Variants in TOMM20L observed in about 807,000 individuals in gnomAD.
TOMM20L encodes TOMM20-like protein 1.
TOMM20L carries 19 observed loss-of-function variants against 20.4 expected under a neutral mutation model. The ratio of observed to expected loss-of-function variants is 0.93; its 90% CI spans 0.65 to 1.36. The LOEUF (loss-of-function observed/expected upper bound fraction) is 1.36, where lower values mean the gene tolerates loss of function less well. Ranked by LOEUF, TOMM20L falls within the 40% of genes most tolerant of loss-of-function variation. The probability of loss-of-function intolerance (pLI) is 0.00; values close to 1 mark genes in which losing one functional copy is unlikely to be tolerated. For missense variants in TOMM20L, 218 were observed against 203.7 expected, an observed-to-expected ratio of 1.07 and a Z score of -0.43; for synonymous variants, 75 against 79.6, an observed-to-expected ratio of 0.94 and a Z score of 0.30.
Position 58,396,306 on chromosome 14 carries a change from G to A in TOMM20L, c.145G>A (p.Ala49Thr). 1.2e-6 allele frequency: 2 copies of A among 1,613,320 alleles called. No individual in the cohort carries two copies. Among genetic ancestry groups the A allele is most frequent in the South Asian group, 2.2e-5 (2 of 91,034 alleles). ...CCGTGTTGTGTTCGCAGAAAGAAGA[G>A]CAGAGCCTCAAAAGGCTGAGGAGCA... ...FKRRLRDKRRAEPQKAEEQGT... is the reference protein window; with the variant it reads ...FKRRLRDKRRTEPQKAEEQGT... The change falls in exon 2 of 5, where the codon GCA becomes ACA. Residue 49 changes from alanine (A) to threonine (T), a missense_variant. Physicochemically the swap from Ala to Thr is moderately conservative, Grantham distance 58. Transcript: ENST00000360945.
Position 58,403,566 on chromosome 14 carries a change from C to T in TOMM20L, c.262+805C>T, listed in dbSNP as rs371454995. ...ATAATTTATTCCTACCGGCAGGGCACGGTGGCTAACGCCTGTAATCCCAGC... is the reference window on the plus strand; with the variant it reads ...ATAATTTATTCCTACCGGCAGGGCATGGTGGCTAACGCCTGTAATCCCAGC... On this transcript the variant is annotated intron_variant, in intron 3 of 4. Transcript: ENST00000360945. 3.9e-5 allele frequency among the ~76,000 whole-genome samples: 6 copies of T among 152,114 alleles called. 1 individual carries two copies. The highest frequency in any genetic ancestry group is 2.1e-4 in the South Asian group (1 of 4,822).
chr14:58,408,947 T>C, downstream of TOMM20L: 1 of 1,532,506 alleles, frequency 6.5e-7, no homozygotes, highest in South Asian at 1.3e-5. Flanking sequence ...GGCTACTGCT[T>C]TCAGGGGATT....
At chr14:58,396,388 G>C (rs1224259476) in intron 2 of TOMM20L, 47 bp downstream of exon 2, 1 of 1,606,808 alleles carries the variant, frequency 6.2e-7, no homozygotes, top group African/African-American at 1.3e-5. Flanking sequence ...ACGCAGGTCC[G>C]GGCTCGCTGG....
At chr14:58,404,045 T>C (rs1356918449) in intron 3 of TOMM20L, among the ~76,000 whole-genome samples, 1 of 130,270 alleles carries the variant, frequency 7.7e-6, no homozygotes, top group Non-Finnish European at 1.6e-5. Flanking sequence ...TAACTGATAT[T>C]GCTGGATAAA....
chr14:58,416,188 A>G, the TOMM20L span, among the ~76,000 whole-genome samples: 1 of 152,198 alleles, frequency 6.6e-6, no homozygotes, highest in African/African-American at 2.4e-5. Flanking sequence ...AGATCATGTC[A>G]GTGCATTCCA....
At chr14:58,409,772 G>A (rs545445872), downstream of TOMM20L, among the ~76,000 whole-genome samples, 2 of 151,920 alleles carry the variant, frequency 1.3e-5, no homozygotes, top group East Asian at 3.9e-4. Flanking sequence ...TAGAGACGGG[G>A]TTTCACTGTG....
At chr14:58,416,721 T>G in the TOMM20L span, among the ~76,000 whole-genome samples, 1 of 152,230 alleles carries the variant, frequency 6.6e-6, no homozygotes, top group Non-Finnish European at 1.5e-5. Flanking sequence ...GTTTCTATAC[T>G]TCACTTGAAC....
At chr14:58,399,929 T>TATATATATATATATATATA (rs2035972935) in intron 2 of TOMM20L, among the ~76,000 whole-genome samples, 2 of 131,872 alleles carry the variant, frequency 1.5e-5, no homozygotes, top group Non-Finnish European at 3.2e-5. Flanking sequence ...TATATATATA[T>TATATATATATATATATATA]TCCACTTGTC....
the TOMM20L span, among the ~76,000 whole-genome samples, chr14:58,414,189 T>G: frequency 7.9e-5 from 12 of 152,054 alleles, no homozygotes; most frequent in African/African-American, 2.9e-4. Flanking sequence ...AAACTGGATG[T>G]GCAAATTTTT....
At chr14:58,409,264 TC>T (rs2036131159), downstream of TOMM20L, 2 of 1,375,174 alleles carry the variant, frequency 1.5e-6, no homozygotes, top group African/African-American at 2.9e-5. Context: ...AGTTTGCTTT[TC>T]TTTGAATATA....
intron 3 of TOMM20L, among the ~76,000 whole-genome samples, chr14:58,404,290 C>G: frequency 6.9e-6 from 1 of 143,944 alleles, no homozygotes; most frequent in Non-Finnish European, 1.5e-5. Context: ...CCACTACGCC[C>G]GGCTAATTTT....
intron 2 of TOMM20L, among the ~76,000 whole-genome samples, chr14:58,401,006 T>C (rs1190010151): frequency 6.6e-6 from 1 of 152,224 alleles, no homozygotes; most frequent in African/African-American, 2.4e-5. Flanking sequence ...TCTCAAACAC[T>C]ATCTTTTCTG....
At chr14:58,403,576 C>T (rs1359203453) in intron 3 of TOMM20L, among the ~76,000 whole-genome samples, 1 of 151,984 alleles carries the variant, frequency 6.6e-6, no homozygotes, top group Non-Finnish European at 1.5e-5. Flanking sequence ...CGGTGGCTAA[C>T]GCCTGTAATC....
At chr14:58,407,507 G>C in intron 4 of TOMM20L, 39 bp downstream of exon 4, 5 of 1,579,956 alleles carry the variant, frequency 3.2e-6, no homozygotes, top group Non-Finnish European at 4.3e-6. Flanking sequence ...AATGTACACA[G>C]TAAATAGCTA....
Position 58,395,983 on chromosome 14 carries a change from G to A in TOMM20L, c.26G>A (p.Arg9His), listed in dbSNP as rs2035908590. Residue 9 changes from arginine to histidine, a missense_variant, in exon 1 of 5, where the codon CGC (arginine) becomes CAC (histidine). Physicochemically the swap from Arg to His is conservative, Grantham distance 29. Coordinates refer to ENST00000360945, the MANE Select transcript of TOMM20L (RefSeq NM_207377.3). The stretch of plus-strand genomic sequence containing the variant: ...ATGCCCTCCGTCCGCTCCCTCCTCC[G>A]CCTCTTGGCCGCCGCGGCGGCCTGT... Reference protein sequence around the residue: MPSVRSLLRLLAAAAACGA... With the variant: MPSVRSLLHLLAAAAACGA... 1.4e-6 allele frequency: 2 copies of A among 1,451,986 alleles called. No homozygotes were observed. Among genetic ancestry groups the A allele is most frequent in the Admixed American group, 2.3e-5 (1 of 44,320 alleles). The allele number at this position is 1,451,986 out of a possible 1,614,324, so 89.9% of individuals were successfully genotyped here. A position where few individuals can be genotyped will look rare whatever the true frequency, so the allele number is the denominator to read the frequency against.
chr14:58,408,970 T>G (rs1023402387), downstream of TOMM20L: 3 of 1,575,926 alleles, frequency 1.9e-6, no homozygotes, highest in Middle Eastern at 2.3e-4. Context: ...ATCAGATGAG[T>G]CCTCATTTCC....
At chr14:58,413,433 AAAAG>A (rs2036285528), downstream of TOMM20L, among the ~76,000 whole-genome samples, 1 of 152,264 alleles carries the variant, frequency 6.6e-6, no homozygotes, top group South Asian at 2.1e-4. Flanking sequence ...TCAGAGTTTT[AAAAG>A]AAAGTTACAG....
At chr14:58,404,722 G>T (rs1412401143) in intron 3 of TOMM20L, among the ~76,000 whole-genome samples, 1 of 152,072 alleles carries the variant, frequency 6.6e-6, no homozygotes, top group Non-Finnish European at 1.5e-5. Flanking sequence ...TTTTCATTTA[G>T]TATTGATCTT....
downstream of TOMM20L, among the ~76,000 whole-genome samples, chr14:58,410,111 G>A (rs968088782): frequency 4.0e-5 from 6 of 151,458 alleles, no homozygotes; most frequent in Non-Finnish European, 7.4e-5. Flanking sequence ...TTGCTCTGTC[G>A]CCCAGGCTAG....
Sources: allele counts gnomAD v4.1 joint callset (sites outside exome capture counted in the v4.1 genomes callset), GRCh38; gene constraint gnomAD v4.1.1; transcripts MANE v1.5; gene names NCBI Gene and HGNC (gene_info 2026-07-23, HGNC 2026-07-21).